The following ZNF382 variants were observed in gnomAD, a reference collection of about 807,000 sequenced individuals.
ZNF382 encodes the protein KRAB/zinc finger suppressor protein 1.
A neutral mutation model predicts 38.8 loss-of-function variants in ZNF382; 20 were observed. The ratio of observed to expected loss-of-function variants is 0.51; its 90% CI spans 0.36 to 0.75. The LOEUF is 0.75. Ranked by LOEUF, ZNF382 falls within the 30% of genes least tolerant of loss-of-function variation. The pLI is 0.00. For synonymous variants in ZNF382, 202 were observed against 223.1 expected (o/e 0.91, Z 0.84); for missense variants, 546 against 654.1 (o/e 0.83, Z 1.80).
intron 2 of ZNF382, chr19:36,608,800 C>T (rs907794618): frequency 1.3e-5 from 2 of 152,252 alleles, no homozygotes; most frequent in African/African-American, 4.8e-5. Context: ...CATTTTCTTC[C>T]GTTTCCCATT....
intron 4 of ZNF382, among the ~76,000 whole-genome samples, chr19:36,625,054 C>T (rs2037198835): frequency 9.2e-6 from 1 of 108,842 alleles, no homozygotes; most frequent in Non-Finnish European, 1.8e-5. Context: ...GGGGACAGAG[C>T]GAGACCCTTT....
Position 36,633,880 on chromosome 19 carries a change from A to T in ZNF382, c.*6330A>T, listed in dbSNP as rs1220316971. The T allele has an allele frequency of 6.6e-6, 1 of 152,176 alleles. No homozygotes were observed. Among genetic ancestry groups the T allele is most frequent in the Non-Finnish European group, 1.5e-5 (1 of 68,034 alleles). The allele number at this position is 152,176 out of a possible 1,614,324, so 9.4% of individuals were successfully genotyped here. On this transcript the variant is annotated 3_prime_UTR_variant, in exon 5 of 5. Transcript: ENST00000292928. ...TATATGACATGCTGGAAAAGGTGAA[A>T]ATATAACAACAGAAAACAGATCAAA...
intron 4 of ZNF382, among the ~76,000 whole-genome samples, chr19:36,621,530 C>T (rs544695591): frequency 2.4e-4 from 37 of 151,840 alleles, no homozygotes; most frequent in African/African-American, 3.9e-4. Flanking sequence ...CATATACAGT[C>T]AGCCCCCCGA....
rs963010426 is a variant in ZNF382 at position 36,628,586 on chromosome 19, T to G, written c.*1036T>G. On this transcript the variant is annotated 3_prime_UTR_variant, in exon 5 of 5. Transcript: ENST00000292928. ...CAGGCAAATGTAATAAACGTGACAT[T>G]GCCGTTAGCCACAGTAAATGCCTTA... 8 of 152,706 alleles carry G rather than the reference T, an allele frequency of 5.2e-5. No homozygotes were observed. Among genetic ancestry groups the G allele is most frequent in the African/African-American group, 1.7e-4 (7 of 41,458 alleles). 9.5% of individuals were successfully genotyped at this position (152,706 alleles called of 1,614,324 possible). A position where few individuals can be genotyped will look rare whatever the true frequency, so the allele number is the denominator to read the frequency against.
chr19:36,612,841 G>C (rs2037089369), intron 4 of ZNF382, among the ~76,000 whole-genome samples: 1 of 152,172 alleles, frequency 6.6e-6, no homozygotes, highest in South Asian at 2.1e-4. Context: ...GCCCAGGCTG[G>C]AGTGCAGTAG....
At position 36,632,447 on chromosome 19, in the gene ZNF382, T is replaced by C. The variant is rs3108168; in HGVS notation, c.*4897T>C. 103,167 of 152,220 alleles carry C rather than the reference T, an allele frequency of 0.68. 35,379 individuals carry two copies. The highest frequency in any genetic ancestry group is 0.82 in the East Asian group (4,251 of 5,174). 9.4% of individuals were successfully genotyped at this position (152,220 alleles called of 1,614,324 possible). A position where few individuals can be genotyped will look rare whatever the true frequency, so the allele number is the denominator to read the frequency against. On this transcript the variant is annotated 3_prime_UTR_variant, in exon 5 of 5. Coordinates refer to ENST00000292928, the MANE Select transcript of ZNF382 (RefSeq NM_032825.5). ...TCAGGCAATCCTCCGCCCACCTCGG[T>C]TTCCCAAAGTGCTGGGATTATAGGC...
At chr19:36,610,175 GC>G in intron 3 of ZNF382, 122 bp downstream of exon 3, 1 of 1,267,866 alleles carries the variant, frequency 7.9e-7, no homozygotes, top group African/African-American at 1.5e-5. Flanking sequence ...ATATTATATT[GC>G]CAGGCACAGT....
intron 4 of ZNF382, among the ~76,000 whole-genome samples, chr19:36,619,331 G>A (rs1292069952): frequency 6.6e-6 from 1 of 152,208 alleles, no homozygotes; most frequent in Non-Finnish European, 1.5e-5. Context: ...GCTGAGTGAA[G>A]GGGGTTGTGA....
In ZNF382 at chr19:36,620,579, T is replaced by C. The variant is rs565996627; in HGVS notation, c.233-5551T>C. On this transcript the variant is annotated intron_variant, in intron 4 of 4. Transcript: ENST00000292928. ...GAATTCTCAAATTGATTTCCTTGTTTTATGTGAATTGCTTTCAAATAGACA... is the reference window on the plus strand; with the variant it reads ...GAATTCTCAAATTGATTTCCTTGTTCTATGTGAATTGCTTTCAAATAGACA... Among the ~76,000 whole-genome samples the C allele has an allele frequency of 2.1e-3, 315 of 152,310 alleles. 1 individual carries two copies. Among genetic ancestry groups the C allele is most frequent in the African/African-American group, 7.4e-3 (309 of 41,576 alleles).
intron 4 of ZNF382, among the ~76,000 whole-genome samples, chr19:36,613,810 G>T (rs2037098563): frequency 6.6e-6 from 1 of 152,060 alleles, no homozygotes; most frequent in Non-Finnish European, 1.5e-5. Context: ...AGTAGGGTTC[G>T]AGAGTCTATT....
chr19:36,610,476 GGAAA>G, intron 3 of ZNF382, 170 bp from the exon 4 acceptor site: 1 of 485,580 alleles, frequency 2.1e-6, no homozygotes, highest in South Asian at 3.0e-5. Context: ...GAAAAGAAAA[GGAAA>G]GAAAGAAAAG....
At chr19:36,626,054 C>A in intron 4 of ZNF382, 76 bp from the exon 5 acceptor site, 1 of 1,050,350 alleles carries the variant, frequency 9.5e-7, no homozygotes, top group Middle Eastern at 2.8e-4. Context: ...ATAGTCCCAC[C>A]ATAGTTTGTC....
rs749293902 is a variant in ZNF382 at position 36,627,551 on chromosome 19, G to T, written c.*1G>T. 2.5e-6 allele frequency: 4 copies of T among 1,601,320 alleles called. No individual in the cohort carries two copies. The South Asian group carries it at 3.3e-5, about 13-fold the overall frequency. On this transcript the variant is annotated 3_prime_UTR_variant, in exon 5 of 5. Transcript: ENST00000292928. ...GGTAGAAACCACGGGAATTCAGTAA[G>T]TAATGTGGCTTTTTTTGTAAAAAAA...
At chr19:36,619,731 T>G (rs981433353) in intron 4 of ZNF382, among the ~76,000 whole-genome samples, 1 of 66,444 alleles carries the variant, frequency 1.5e-5, no homozygotes, top group African/African-American at 4.7e-5. Flanking sequence ...TTAAAAGAGT[T>G]TTTTTTTTTT....
intron 4 of ZNF382, among the ~76,000 whole-genome samples, chr19:36,625,694 G>T (rs936786825): frequency 1.5e-4 from 23 of 151,940 alleles, no homozygotes; most frequent in African/African-American, 5.6e-4. Context: ...TGAGTAGCTG[G>T]GATTACAGGC....
intron 4 of ZNF382, among the ~76,000 whole-genome samples, chr19:36,621,416 A>G (rs1270166328): frequency 1.3e-5 from 2 of 149,364 alleles, no homozygotes; most frequent in African/African-American, 5.0e-5. Context: ...CTCTGTTTTC[A>G]AGGGTGACAG....
rs775447350 is a variant in ZNF382 at position 36,627,391 on chromosome 19, G to A, written c.1494G>A (p.Gly498=). 4.3e-6 allele frequency: 7 copies of A among 1,614,050 alleles called. No homozygotes were observed. The South Asian group carries it at 5.5e-5, about 13-fold the overall frequency. ...GEKSNGCPQC[G]KAFSRKSNLI... ...AATCCAATGGGTGTCCTCAGTGTGG[G>A]AAAGCCTTCAGTAGGAAATCAAACC... The change falls in exon 5 of 5, where the codon GGG becomes GGA. Residue 498 remains glycine, a synonymous_variant. Transcript: ENST00000292928.
intron 4 of ZNF382, among the ~76,000 whole-genome samples, chr19:36,613,422 CTTTTT>C (rs11353427): frequency 8.2e-6 from 1 of 121,262 alleles, no homozygotes; most frequent in Non-Finnish European, 1.7e-5. Context: ...GTATATTTTG[CTTTTT>C]TTTTTTTTTT....
Position 36,627,024 on chromosome 19 carries a change from G to C in ZNF382, c.1127G>C (p.Gly376Ala). The C allele has an allele frequency of 1.2e-6, 2 of 1,613,868 alleles. No individual in the cohort carries two copies. Among genetic ancestry groups the C allele is most frequent in the Non-Finnish European group, 1.7e-6 (2 of 1,179,952 alleles). ...ACTAGACATCACAAAACACATACGGGGGAGAAAGCCTATGAATGTCCTCAG... is the reference window on the plus strand; with the variant it reads ...ACTAGACATCACAAAACACATACGGCGGAGAAAGCCTATGAATGTCCTCAG... Reference protein sequence around the residue: ...TLTRHHKTHTGEKAYECPQCG... With the variant: ...TLTRHHKTHTAEKAYECPQCG... Residue 376 changes from glycine (G) to alanine (A), a missense_variant, in exon 5 of 5, where the codon GGG becomes GCG. Coordinates refer to ENST00000292928, the MANE Select transcript of ZNF382 (RefSeq NM_032825.5).
Sources: allele counts gnomAD v4.1 joint callset (sites outside exome capture counted in the v4.1 genomes callset), GRCh38; gene constraint gnomAD v4.1.1; transcripts MANE v1.5; gene names NCBI Gene and HGNC (gene_info 2026-07-23, HGNC 2026-07-21).